HACE1: variants seen among roughly 807,000 people sequenced by gnomAD.
HACE1 encodes the protein HECT domain and ankyrin repeat containing E3 ubiquitin protein ligase 1, also known as E3 ubiquitin-protein ligase HACE1.
Under a neutral mutation model 118.4 loss-of-function variants are expected in HACE1, and 73 were observed. The ratio of observed to expected loss-of-function variants is 0.62; its 90% CI spans 0.51 to 0.75. The LOEUF (loss-of-function observed/expected upper bound fraction) is 0.75, where lower values mean the gene tolerates loss of function less well. HACE1 is among the 30% of genes least tolerant of loss of function. The pLI is 0.00. For synonymous variants in HACE1, 368 were observed against 374.8 expected, an observed-to-expected ratio of 0.98 and a Z score of 0.21; for missense variants, 749 against 1,102.2, an observed-to-expected ratio of 0.68 and a Z score of 4.54.
chr6:104,857,202 C>CAT (rs71003450), intron 1 of HACE1, among the ~76,000 whole-genome samples: 3,948 of 144,984 alleles, frequency 0.027, 152 homozygotes, highest in African/African-American at 0.09. Context: ...TATATATTTA[C>CAT]ATATATATAT....
At chr6:104,783,884 T>C (rs1469220192) in intron 14 of HACE1, among the ~76,000 whole-genome samples, 2 of 152,250 alleles carry the variant, frequency 1.3e-5, no homozygotes, top group Non-Finnish European at 2.9e-5. Flanking sequence ...ATGTGTTCTG[T>C]TGTTTTTGTA....
At chr6:104,797,107 A>G in intron 7 of HACE1, 82 bp from the exon 8 acceptor site, 1 of 789,092 alleles carries the variant, frequency 1.3e-6, no homozygotes, top group Admixed American at 1.8e-5. Flanking sequence ...ATATGAGTCA[A>G]TGGAAGAGTA....
intron 19 of HACE1, among the ~76,000 whole-genome samples, chr6:104,753,972 C>T (rs1778345609): frequency 6.6e-6 from 1 of 152,144 alleles, no homozygotes; most frequent in Non-Finnish European, 1.5e-5. Flanking sequence ...GATAAAGGAG[C>T]ATGTTTTAAC....
At chr6:104,763,956 A>G (rs1779685845) in intron 19 of HACE1, among the ~76,000 whole-genome samples, 1 of 152,194 alleles carries the variant, frequency 6.6e-6, no homozygotes, top group Non-Finnish European at 1.5e-5. Flanking sequence ...AGGCTAAGGC[A>G]GAACTGCTTG....
At chr6:104,737,660 C>A (rs538376144) in intron 22 of HACE1, among the ~76,000 whole-genome samples, 1 of 152,316 alleles carries the variant, frequency 6.6e-6, no homozygotes, top group South Asian at 2.1e-4. Flanking sequence ...ATATCCTGCA[C>A]CTGGCTCGGA....
At chr6:104,782,153 A>G (rs1312823877) in intron 14 of HACE1, among the ~76,000 whole-genome samples, 1 of 152,236 alleles carries the variant, frequency 6.6e-6, no homozygotes, top group African/African-American at 2.4e-5. Context: ...TTCACCTATT[A>G]TCTCATTTGC....
At chr6:104,764,462 T>A (rs1008870981) in intron 19 of HACE1, among the ~76,000 whole-genome samples, 1 of 152,220 alleles carries the variant, frequency 6.6e-6, no homozygotes, top group Non-Finnish European at 1.5e-5. Flanking sequence ...GTCATTCTGC[T>A]GGATGGATTT....
intron 11 of HACE1, among the ~76,000 whole-genome samples, chr6:104,789,624 T>C (rs1246836485): frequency 1.3e-5 from 2 of 152,102 alleles, no homozygotes; most frequent in African/African-American, 4.8e-5. Flanking sequence ...AAATCACCTA[T>C]AGAGAGGCTA....
At chr6:104,753,105 A>G (rs536128453) in intron 19 of HACE1, among the ~76,000 whole-genome samples, 2 of 152,222 alleles carry the variant, frequency 1.3e-5, no homozygotes. Context: ...AAACATAATA[A>G]AACAAATTAA....
At chr6:104,848,759 A>C (rs1015555000) in intron 4 of HACE1, among the ~76,000 whole-genome samples, 5 of 152,196 alleles carry the variant, frequency 3.3e-5, no homozygotes, top group African/African-American at 1.2e-4. Context: ...AGGAGTGGCA[A>C]AAGATTAGCA....
intron 19 of HACE1, among the ~76,000 whole-genome samples, chr6:104,770,522 C>A (rs1182658805): frequency 6.6e-6 from 1 of 151,968 alleles, no homozygotes; most frequent in Admixed American, 6.6e-5. Context: ...AGTTTGAGAC[C>A]ATCCTGGCCA....
chr6:104,760,583 A>C (rs1779235465), intron 19 of HACE1, among the ~76,000 whole-genome samples: 1 of 152,224 alleles, frequency 6.6e-6, no homozygotes, highest in South Asian at 2.1e-4. Flanking sequence ...CCCACAGCCA[A>C]TATCATACTG....
chr6:104,807,880 CACT>C (rs111786869), intron 7 of HACE1, among the ~76,000 whole-genome samples: 5,116 of 152,056 alleles, frequency 0.034, 266 homozygotes, highest in African/African-American at 0.12. Flanking sequence ...CTCACAGAAA[CACT>C]ACATTATAAA....
At chr6:104,843,999 G>C (rs1042297838) in intron 4 of HACE1, among the ~76,000 whole-genome samples, 2 of 151,564 alleles carry the variant, frequency 1.3e-5, no homozygotes, top group East Asian at 3.9e-4. Flanking sequence ...TGGGACTACA[G>C]GCGTGTGCCA....
chr6:104,802,114 C>T (rs1770435812), intron 7 of HACE1, among the ~76,000 whole-genome samples: 1 of 149,088 alleles, frequency 6.7e-6, no homozygotes, highest in South Asian at 2.1e-4. Flanking sequence ...TCAAAACAGA[C>T]AAGGAAGGAC....
intron 19 of HACE1, among the ~76,000 whole-genome samples, chr6:104,769,057 T>C (rs773207980): frequency 1.2e-4 from 19 of 152,172 alleles, no homozygotes; most frequent in African/African-American, 4.3e-4. Context: ...TTTTAAGTGA[T>C]AGGATCTTGC....
At chr6:104,820,486 A>G (rs1772600202) in intron 6 of HACE1, among the ~76,000 whole-genome samples, 2 of 152,198 alleles carry the variant, frequency 1.3e-5, no homozygotes, top group South Asian at 4.1e-4. Flanking sequence ...AACTTAAACA[A>G]ATTTACAAAA....
chr6:104,787,661 G>C (rs999343633), intron 11 of HACE1, among the ~76,000 whole-genome samples: 1 of 152,150 alleles, frequency 6.6e-6, no homozygotes, highest in African/African-American at 2.4e-5. Flanking sequence ...AAGGCCTAAC[G>C]CAAGAAATGA....
intron 14 of HACE1, chr6:104,782,346 G>A (rs548631669): frequency 4.6e-5 from 7 of 152,572 alleles, no homozygotes; most frequent in African/African-American, 1.7e-4. Flanking sequence ...AAATTAGCCA[G>A]GTGTGGTGGT....
Sources: gnomAD v4.1 joint callset for allele counts (sites outside exome capture counted in the v4.1 genomes callset) on GRCh38, gnomAD v4.1.1 for gene constraint, MANE v1.5 for transcripts, NCBI Gene and HGNC (gene_info 2026-07-23, HGNC 2026-07-21) for gene names.